Variants in ANXA4 observed in about 807,000 individuals in gnomAD.
The protein encoded by ANXA4 is 35-beta calcimedin.
ANXA4 carries 39 observed loss-of-function variants against 49.8 expected under a neutral mutation model. The observed-to-expected ratio is 0.78, with a 90% confidence interval of 0.61 to 1.02. ANXA4 has a LOEUF of 1.02. Ranked by LOEUF, ANXA4 falls within the 50% of genes least tolerant of loss-of-function variation. The probability of loss-of-function intolerance (pLI) is 0.00; values close to 1 mark genes in which losing one functional copy is unlikely to be tolerated. For synonymous variants in ANXA4, 134 were observed against 152.5 expected, an observed-to-expected ratio of 0.88 and a Z score of 0.89; for missense variants, 360 against 410.1, an observed-to-expected ratio of 0.88 and a Z score of 1.05.
chr2:69,765,952 A>G (rs530252386), intron 1 of ANXA4, among the ~76,000 whole-genome samples: 2 of 152,318 alleles, frequency 1.3e-5, no homozygotes, highest in East Asian at 3.9e-4. Flanking sequence ...ATCAGCAGGC[A>G]TTTCTTGCAG....
rs150322630 is a variant in ANXA4, at chr2:69,724,836, T to C, written n.864+3965T>C. On this transcript the variant is annotated intron_variant and non_coding_transcript_variant, in intron 3 of 3. Coordinates refer to the ANXA4 transcript ENST00000418066. ...TTGCTTCTTCTGCCACTAGATGGCG[T>C]CCTCGCCTAAGTACTGGAAACACTT... 1.0e-3 allele frequency among the ~76,000 whole-genome samples: 156 copies of C among 151,350 alleles called. 1 individual carries two copies. Among genetic ancestry groups the C allele is most frequent in the African/African-American group, 3.4e-3 (140 of 41,236 alleles).
Position 69,784,528 on chromosome 2 carries a change from T to G in ANXA4, c.9+2954T>G, listed in dbSNP as rs1163016873. ...TGGAATTCTGACAGCAAGTCACCAA[T>G]TTGCGTATTACTACTGATATATAAT... On this transcript the variant is annotated intron_variant, in intron 2 of 12. Coordinates refer to ENST00000394295, the MANE Select transcript of ANXA4 (RefSeq NM_001153.5). 3.3e-5 allele frequency among the ~76,000 whole-genome samples: 5 copies of G among 152,200 alleles called. No individual in the cohort carries two copies. In the East Asian group the frequency reaches 9.6e-4, roughly 29 times the overall value.
chr2:69,723,806 T>A (rs904119679), intron 3 of ANXA4, among the ~76,000 whole-genome samples: 1 of 152,196 alleles, frequency 6.6e-6, no homozygotes, highest in Non-Finnish European at 1.5e-5. Context: ...CACGTTGGTC[T>A]CCTAAAGTGC....
chr2:69,791,339 C>A (rs1672683237), intron 3 of ANXA4, among the ~76,000 whole-genome samples: 1 of 152,172 alleles, frequency 6.6e-6, no homozygotes, highest in Non-Finnish European at 1.5e-5. Context: ...CTAGTCAAAG[C>A]CTTGGTAAAA....
intron 2 of ANXA4, among the ~76,000 whole-genome samples, chr2:69,681,688 G>A (rs1188374966): frequency 6.6e-6 from 1 of 152,046 alleles, no homozygotes; most frequent in Non-Finnish European, 1.5e-5. Flanking sequence ...AGTCTAGCTA[G>A]CGATTTATCA....
chr2:69,744,618 A>G (rs1670539424), intron 1 of ANXA4, among the ~76,000 whole-genome samples: 2 of 152,016 alleles, frequency 1.3e-5, no homozygotes, highest in African/African-American at 4.8e-5. Flanking sequence ...TTTGAGTAAC[A>G]CTCATCCTAG....
At chr2:69,712,709 G>A (rs2312547) in intron 2 of ANXA4, among the ~76,000 whole-genome samples, 44,680 of 152,004 alleles carry the variant, frequency 0.29, 8,729 homozygotes, top group African/African-American at 0.53. Context: ...CCACTCCCTC[G>A]TAAAGAACTG....
intron 2 of ANXA4, among the ~76,000 whole-genome samples, chr2:69,710,433 G>A (rs775299665): frequency 6.6e-6 from 1 of 152,060 alleles, no homozygotes; most frequent in African/African-American, 2.4e-5. Context: ...AAGAAATGAA[G>A]TTTTCCTTTT....
chr2:69,662,738 C>T (rs954363379), intron 2 of ANXA4, among the ~76,000 whole-genome samples: 1 of 151,998 alleles, frequency 6.6e-6, no homozygotes, highest in African/African-American at 2.4e-5. Flanking sequence ...TCACCCTTGT[C>T]AAGCCCCACC....
chr2:69,782,820 G>A (rs1050733576), intron 2 of ANXA4, among the ~76,000 whole-genome samples: 4 of 152,106 alleles, frequency 2.6e-5, no homozygotes, highest in Non-Finnish European at 5.9e-5. Flanking sequence ...CTTTCCACTC[G>A]GAGAAAATTA....
At chr2:69,645,659 C>G (rs966218353) in intron 1 of ANXA4, among the ~76,000 whole-genome samples, 1 of 152,196 alleles carries the variant, frequency 6.6e-6, no homozygotes, top group Non-Finnish European at 1.5e-5. Flanking sequence ...TCCCAATATG[C>G]TTAAGGTAGC....
chr2:69,809,327 T>C (rs886933082), intron 6 of ANXA4: 2 of 152,206 alleles, frequency 1.3e-5, no homozygotes, highest in East Asian at 1.9e-4. Flanking sequence ...TTCTAAACCT[T>C]AGGAGTCTGG....
intron 1 of ANXA4, among the ~76,000 whole-genome samples, chr2:69,746,363 G>GT (rs559132581): frequency 3.6e-4 from 55 of 152,060 alleles, no homozygotes; most frequent in South Asian, 1.9e-3. Flanking sequence ...TGATTAACAG[G>GT]TTTTTTTTCC....
Position 69,769,509 on chromosome 2 carries a change from T to C in ANXA4, c.-46-12011T>C, listed in dbSNP as rs1290669430. Among the ~76,000 whole-genome samples the C allele has an allele frequency of 2.0e-5, 3 of 152,280 alleles. No homozygotes were observed. The East Asian group carries it at 5.8e-4, about 29-fold the overall frequency. On this transcript the variant is annotated intron_variant, in intron 1 of 12. Coordinates refer to ENST00000394295, the MANE Select transcript of ANXA4 (RefSeq NM_001153.5). ...TAATAGTCATTGTCCCAGAGGTTAT[T>C]GAGTAGATAAGATAACATGGAGGAG...
intron 2 of ANXA4, among the ~76,000 whole-genome samples, chr2:69,679,124 A>C (rs1677508854): frequency 1.3e-5 from 2 of 151,888 alleles, no homozygotes; most frequent in African/African-American, 2.4e-5. Context: ...TGGTTTTTTA[A>C]ATTTTATTTT....
At chr2:69,731,980 C>CTTTTTTTT (rs11425067) in intron 3 of ANXA4, among the ~76,000 whole-genome samples, 2 of 120,166 alleles carry the variant, frequency 1.7e-5, no homozygotes, top group African/African-American at 3.2e-5. Context: ...TCTTTTCTTT[C>CTTTTTTTT]TTTTTTTTTT....
At chr2:69,723,533 AC>A (rs1446712039) in intron 3 of ANXA4, among the ~76,000 whole-genome samples, 3 of 152,190 alleles carry the variant, frequency 2.0e-5, no homozygotes, top group Non-Finnish European at 2.9e-5. Context: ...AATGTCTCCA[AC>A]CAGGGTACTT....
chr2:69,720,447 G>A (rs893330240), intron 2 of ANXA4, among the ~76,000 whole-genome samples: 1 of 152,180 alleles, frequency 6.6e-6, no homozygotes, highest in Non-Finnish European at 1.5e-5. Context: ...GTTCATTCAC[G>A]GTGGGGAGGA....
At chr2:69,798,856 G>T (rs13018194) in intron 3 of ANXA4, among the ~76,000 whole-genome samples, 2 of 152,040 alleles carry the variant, frequency 1.3e-5, no homozygotes, top group African/African-American at 2.4e-5. Flanking sequence ...TGTCTGGGGT[G>T]AATACTGAGG....
Sources: gnomAD v4.1 joint callset for allele counts (sites outside exome capture counted in the v4.1 genomes callset) on GRCh38, gnomAD v4.1.1 for gene constraint, MANE v1.5 for transcripts, NCBI Gene and HGNC (gene_info 2026-07-23, HGNC 2026-07-21) for gene names.